Variants in ERGIC1 observed in about 807,000 individuals in gnomAD.
ERGIC1 encodes the protein endoplasmic reticulum-golgi intermediate compartment 1.
A neutral mutation model predicts 38.3 loss-of-function variants in ERGIC1; 19 were observed. That is an observed-to-expected ratio of 0.50 (90% CI 0.35 to 0.73). The LOEUF (loss-of-function observed/expected upper bound fraction) is 0.73, where lower values mean the gene tolerates loss of function less well. Ranked by LOEUF, ERGIC1 falls within the 30% of genes least tolerant of loss-of-function variation. The pLI is 0.01. For synonymous variants in ERGIC1, 124 were observed against 157.6 expected, an observed-to-expected ratio of 0.79 and a Z score of 1.60; for missense variants, 294 against 389.2, an observed-to-expected ratio of 0.76 and a Z score of 2.06.
chr5:172,894,635 G>A (rs1762680188), intron 2 of ERGIC1, among the ~76,000 whole-genome samples: 1 of 152,140 alleles, frequency 6.6e-6, no homozygotes, highest in Admixed American at 6.5e-5. Context: ...TTTTCTCAGG[G>A]CTTTGCCTCT....
At chr5:172,950,571 A>G (rs569967810) in intron 9 of ERGIC1, 138 bp from the exon 10 acceptor site, 2 of 609,322 alleles carry the variant, frequency 3.3e-6, no homozygotes, top group South Asian at 5.7e-5. Context: ...CTTGGTGACT[A>G]TGTAGTGGGT....
At chr5:172,919,651 A>G (rs1763460686) in intron 5 of ERGIC1, among the ~76,000 whole-genome samples, 2 of 152,338 alleles carry the variant, frequency 1.3e-5, no homozygotes, top group East Asian at 3.9e-4. Context: ...CATCTGTAGA[A>G]TGGGGATAAT....
chr5:172,868,186 C>T (rs1761919044), intron 1 of ERGIC1, among the ~76,000 whole-genome samples: 1 of 152,240 alleles, frequency 6.6e-6, no homozygotes, highest in Non-Finnish European at 1.5e-5. Flanking sequence ...TTAATCCTTA[C>T]TCCTGTGAGG....
chr5:172,923,632 G>A (rs946089392), intron 5 of ERGIC1, among the ~76,000 whole-genome samples: 3 of 152,174 alleles, frequency 2.0e-5, no homozygotes, highest in African/African-American at 7.2e-5. Context: ...CCATTAGTCT[G>A]CAAGCTCAAA....
intron 1 of ERGIC1, among the ~76,000 whole-genome samples, chr5:172,856,021 T>G (rs1274699324): frequency 6.6e-6 from 1 of 152,202 alleles, no homozygotes; most frequent in East Asian, 1.9e-4. Context: ...ACTTATTAAA[T>G]CATAAGTCAC....
chr5:172,885,305 AT>A (rs11404176), intron 1 of ERGIC1, among the ~76,000 whole-genome samples: 5,676 of 149,768 alleles, frequency 0.038, 385 homozygotes, highest in African/African-American at 0.13. Flanking sequence ...AATTTTGTTC[AT>A]TTTTTTTTGT....
intron 1 of ERGIC1, among the ~76,000 whole-genome samples, chr5:172,861,180 G>GCC (rs1415772394): frequency 6.6e-6 from 1 of 152,190 alleles, no homozygotes; most frequent in Admixed American, 6.5e-5. Context: ...ACACAGGCCA[G>GCC]CCACACACCC....
At chr5:172,910,706 G>T (rs530801031) in intron 4 of ERGIC1, among the ~76,000 whole-genome samples, 25 of 152,062 alleles carry the variant, frequency 1.6e-4, no homozygotes, top group African/African-American at 4.8e-4. Context: ...TGTATTTTTA[G>T]TAGAGACGGG....
chr5:172,858,440 C>A lies in ERGIC1; in HGVS notation c.20+24007C>A, dbSNP rs576368604. Among the ~76,000 whole-genome samples, 14 of 152,312 alleles carry A rather than the reference C, an allele frequency of 9.2e-5. 1 individual carries two copies. The South Asian group carries it at 2.7e-3, about 29-fold the overall frequency. On this transcript the variant is annotated intron_variant, in intron 1 of 9. Coordinates refer to ENST00000393784, the MANE Select transcript of ERGIC1 (RefSeq NM_001031711.3). ...TTCCGGGTCTCGGGCAGTGTCTGAG[C>A]AAGGGGCCGGTGGTCTGCGCATCTG...
chr5:172,839,745 G>A (rs544610235), intron 1 of ERGIC1, among the ~76,000 whole-genome samples: 3 of 152,312 alleles, frequency 2.0e-5, no homozygotes, highest in Non-Finnish European at 4.4e-5. Flanking sequence ...GGATCTTACT[G>A]TATCAGCCCC....
At chr5:172,942,827 A>G (rs1163082647) in intron 9 of ERGIC1, among the ~76,000 whole-genome samples, 1 of 152,198 alleles carries the variant, frequency 6.6e-6, no homozygotes, top group Non-Finnish European at 1.5e-5. Context: ...GCTGGTTTTT[A>G]TAGTTGCAGA....
At chr5:172,872,545 T>C (rs1762042979) in intron 1 of ERGIC1, among the ~76,000 whole-genome samples, 1 of 152,116 alleles carries the variant, frequency 6.6e-6, no homozygotes, top group Non-Finnish European at 1.5e-5. Flanking sequence ...CCAGGCTTGG[T>C]AGCTCACACC....
intron 1 of ERGIC1, among the ~76,000 whole-genome samples, chr5:172,840,823 T>G (rs1344640260): frequency 6.6e-6 from 1 of 152,228 alleles, no homozygotes. Flanking sequence ...TGAATTTGTA[T>G]TTTAACAAGA....
At chr5:172,894,788 G>A (rs986986928) in intron 2 of ERGIC1, among the ~76,000 whole-genome samples, 9 of 152,244 alleles carry the variant, frequency 5.9e-5, no homozygotes, top group African/African-American at 2.2e-4. Flanking sequence ...TGAAGTGACA[G>A]GACATCTGTT....
intron 5 of ERGIC1, among the ~76,000 whole-genome samples, chr5:172,918,904 C>G (rs1269079064): frequency 6.6e-6 from 1 of 152,188 alleles, no homozygotes; most frequent in Non-Finnish European, 1.5e-5. Context: ...GAAGTCCTCC[C>G]TCCCCTTCCC....
chr5:172,921,973 A>C (rs1270147474), intron 5 of ERGIC1, among the ~76,000 whole-genome samples: 1 of 152,230 alleles, frequency 6.6e-6, no homozygotes, highest in Non-Finnish European at 1.5e-5. Context: ...TGTAACCCCC[A>C]TGGTCTGCAA....
chr5:172,893,935 G>GTGTGTGTGTGTGTATATATATATA (rs1429850022), intron 2 of ERGIC1, among the ~76,000 whole-genome samples: 4 of 42,832 alleles, frequency 9.3e-5, no homozygotes, highest in Non-Finnish European at 1.8e-4. Context: ...GTGTGTGTGT[G>GTGTGTGTGTGTGTATATATATATA]TATATATATA....
intron 3 of ERGIC1, among the ~76,000 whole-genome samples, chr5:172,904,928 C>T (rs527891605): frequency 2.0e-5 from 3 of 152,324 alleles, no homozygotes; most frequent in South Asian, 2.1e-4. Flanking sequence ...CGCCTCAGGC[C>T]GTCCCTGCCC....
At chr5:172,842,546 G>A (rs780645866) in intron 1 of ERGIC1, among the ~76,000 whole-genome samples, 68 of 152,286 alleles carry the variant, frequency 4.5e-4, no homozygotes, top group Admixed American at 2.5e-3. Flanking sequence ...AAGTGGGACC[G>A]CTGGATCCTA....
Sources: gnomAD v4.1 joint callset for allele counts (sites outside exome capture counted in the v4.1 genomes callset) on GRCh38, gnomAD v4.1.1 for gene constraint, MANE v1.5 for transcripts, NCBI Gene and HGNC (gene_info 2026-07-23, HGNC 2026-07-21) for gene names.